The following DISC1 variants were observed in gnomAD, a reference collection of about 807,000 sequenced individuals.
The protein encoded by DISC1 is disrupted in schizophrenia 1 protein.
In DISC1, 57 loss-of-function variants were observed where a neutral mutation model predicts 84.5. That is an observed-to-expected ratio of 0.67 (90% CI 0.55 to 0.84). The LOEUF is 0.84. Ranked by LOEUF, DISC1 falls within the 40% of genes least tolerant of loss-of-function variation. The pLI is 0.00. For synonymous variants in DISC1, 411 were observed against 415.2 expected (o/e 0.99, Z 0.12); for missense variants, 1,000 against 1,057.8 (o/e 0.95, Z 0.76).
intron 3 of DISC1, among the ~76,000 whole-genome samples, chr1:231,718,327 A>G (rs974234625): frequency 6.6e-6 from 1 of 152,104 alleles, no homozygotes; most frequent in African/African-American, 2.4e-5. Context: ...CACTATCAGG[A>G]CAAATGTTAA....
chr1:231,759,817 C>G (rs903709640), intron 4 of DISC1, among the ~76,000 whole-genome samples: 1 of 152,158 alleles, frequency 6.6e-6, no homozygotes, highest in Non-Finnish European at 1.5e-5. Context: ...TGTCCCACTC[C>G]CAGGAGACCA....
At chr1:232,035,034 T>TA (rs1283916502) in intron 12 of DISC1, among the ~76,000 whole-genome samples, 1 of 152,166 alleles carries the variant, frequency 6.6e-6, no homozygotes. Context: ...ACGCAAATGA[T>TA]AGAGTCTGGG....
chr1:231,877,834 C>T (rs2086004230), intron 9 of DISC1, among the ~76,000 whole-genome samples: 1 of 152,172 alleles, frequency 6.6e-6, no homozygotes, highest in South Asian at 2.1e-4. Context: ...TGCATGGAAT[C>T]AGCTTATTTC....
chr1:231,873,924 C>G (rs1030294583), intron 9 of DISC1, among the ~76,000 whole-genome samples: 5 of 152,118 alleles, frequency 3.3e-5, no homozygotes, highest in African/African-American at 1.2e-4. Flanking sequence ...TCTTGGCTCA[C>G]TGCAACCTCT....
intron 1 of DISC1, among the ~76,000 whole-genome samples, chr1:231,647,783 T>C (rs773336887): frequency 2.0e-5 from 3 of 152,240 alleles, no homozygotes; most frequent in Non-Finnish European, 4.4e-5. Flanking sequence ...ACATCCCTTG[T>C]AAGTTGGATT....
At chr1:231,898,631 C>G (rs996734093) in intron 9 of DISC1, among the ~76,000 whole-genome samples, 2 of 152,126 alleles carry the variant, frequency 1.3e-5, no homozygotes, top group African/African-American at 4.8e-5. Flanking sequence ...GTTGAATGTT[C>G]TACATTCACA....
chr1:231,706,753 G>T (rs1362684680), intron 3 of DISC1, among the ~76,000 whole-genome samples: 1 of 152,168 alleles, frequency 6.6e-6, no homozygotes, highest in Non-Finnish European at 1.5e-5. Flanking sequence ...AAAAATGATG[G>T]TGGCAGAGGC....
intron 3 of DISC1, among the ~76,000 whole-genome samples, chr1:231,732,030 C>T (rs1330914394): frequency 6.6e-6 from 1 of 152,206 alleles, no homozygotes; most frequent in Non-Finnish European, 1.5e-5. Context: ...ACAGCTTCTT[C>T]AGAACTCATG....
rs150565089 is a variant in DISC1 at position 231,901,461 on chromosome 1, C to T, written c.1982-57367C>T. Among the ~76,000 whole-genome samples the T allele has an allele frequency of 4.5e-3, 683 of 152,310 alleles. 3 individuals carry two copies. The highest frequency in any genetic ancestry group is 0.016 in the African/African-American group (647 of 41,578). On this transcript the variant is annotated intron_variant, in intron 9 of 12. Transcript: ENST00000439617. ...AACAATTAGAACCAAGTTCATATCT[C>T]AGGGTTGCTTCTTCTTAGCTACCTA...
At chr1:231,845,309 G>T (rs1368334501) in intron 9 of DISC1, among the ~76,000 whole-genome samples, 2 of 152,202 alleles carry the variant, frequency 1.3e-5, no homozygotes, top group African/African-American at 4.8e-5. Context: ...CCTGGTGCCA[G>T]CTCTGGACCG....
At chr1:231,912,202 A>G (rs2089265389) in intron 9 of DISC1, among the ~76,000 whole-genome samples, 1 of 152,204 alleles carries the variant, frequency 6.6e-6, no homozygotes, top group Non-Finnish European at 1.5e-5. Flanking sequence ...TTCTCCGTCC[A>G]GCTTTGTTCC....
intron 1 of DISC1, among the ~76,000 whole-genome samples, chr1:231,689,177 T>C (rs533006419): frequency 3.3e-4 from 50 of 152,356 alleles, no homozygotes; most frequent in African/African-American, 1.2e-3. Flanking sequence ...TATAAATTTA[T>C]ATGCAAGTCA....
chr1:231,689,656 A>G (rs1341903207), intron 1 of DISC1, among the ~76,000 whole-genome samples: 1 of 152,210 alleles, frequency 6.6e-6, no homozygotes, highest in Non-Finnish European at 1.5e-5. Flanking sequence ...ATGTTTTCTT[A>G]AACTGCATGT....
chr1:231,781,344 C>T (rs1030696644), intron 6 of DISC1, among the ~76,000 whole-genome samples: 6 of 152,018 alleles, frequency 3.9e-5, no homozygotes, highest in Non-Finnish European at 8.8e-5. Context: ...AAGAAGCTTA[C>T]AACATGAGTC....
chr1:231,666,338 C>T lies in DISC1; in HGVS notation c.68-27488C>T, dbSNP rs376641904. 1.6e-3 allele frequency among the ~76,000 whole-genome samples: 219 copies of T among 140,948 alleles called. 1 individual carries two copies. Among genetic ancestry groups the T allele is most frequent in the African/African-American group, 5.5e-3 (208 of 38,028 alleles). 92.5% of individuals were successfully genotyped at this position (140,948 alleles called of 152,430 possible). On this transcript the variant is annotated intron_variant, in intron 1 of 12. Coordinates refer to ENST00000439617, the MANE Select transcript of DISC1 (RefSeq NM_018662.3). ...AAAAAAAAAAAAAAAAAGCACAGTA[C>T]GAATTAATCTCTCCAGGGAAAGATT... is the stretch of plus-strand genomic sequence containing the variant.
rs182442052 is a variant in DISC1, at chr1:232,009,243, C to A, written c.2307+194C>A. ...TGTAGAAGTTTGAAATATAGAAGAG[C>A]AAAAAAACCCAACTTTTGGCATATT... On this transcript the variant is annotated intron_variant, in intron 11 of 12. Transcript: ENST00000439617. The surrounding 1 kb of genome is among the most constrained non-coding windows in gnomAD (Gnocchi z 4.6). The A allele has an allele frequency of 3.4e-5, 47 of 1,387,284 alleles. No individual in the cohort carries two copies. The Admixed American group carries it at 8.2e-4, about 24-fold the overall frequency. 85.9% of individuals were successfully genotyped at this position (1,387,284 alleles called of 1,614,324 possible).
At chr1:231,800,914 CGGTGTATTATATATGGATTTTTAACCCA>C (rs1558568699) in intron 8 of DISC1, among the ~76,000 whole-genome samples, 1 of 151,626 alleles carries the variant, frequency 6.6e-6, no homozygotes, top group East Asian at 1.9e-4. Flanking sequence ...GGCCCTCTCT[CGGTGTATTATATATGGATTTTTAACCCA>C]GTTATGTAAT....
At chr1:231,786,333 C>G (rs1445793056) in intron 6 of DISC1, among the ~76,000 whole-genome samples, 1 of 152,182 alleles carries the variant, frequency 6.6e-6, no homozygotes, top group Non-Finnish European at 1.5e-5. Context: ...TGTTCAAAGT[C>G]TTGCAGAAAG....
intron 3 of DISC1, among the ~76,000 whole-genome samples, chr1:231,732,474 T>G (rs1033698492): frequency 6.6e-6 from 1 of 152,220 alleles, no homozygotes; most frequent in African/African-American, 2.4e-5. Flanking sequence ...AAAAAATTAT[T>G]TAAACAATGC....
Sources: gnomAD v4.1 joint callset for allele counts (sites outside exome capture counted in the v4.1 genomes callset) on GRCh38, gnomAD v4.1.1 for gene constraint, Gnocchi (gnomAD v3.1) non-coding constraint, MANE v1.5 for transcripts, NCBI Gene and HGNC (gene_info 2026-07-23, HGNC 2026-07-21) for gene names.